Variants in RNF125 observed in about 807,000 individuals in gnomAD.
RNF125 encodes the protein ring finger protein 125, also known as E3 ubiquitin-protein ligase RNF125.
RNF125 carries 21 observed loss-of-function variants against 26.0 expected under a neutral mutation model. That is an observed-to-expected ratio of 0.81 (90% CI 0.57 to 1.16). The LOEUF (loss-of-function observed/expected upper bound fraction) is 1.16, where lower values mean the gene tolerates loss of function less well. RNF125 is among the 50% of genes most tolerant of loss of function. The probability of loss-of-function intolerance (pLI) is 0.00; values close to 1 mark genes in which losing one functional copy is unlikely to be tolerated. For missense variants in RNF125, 270 were observed against 299.4 expected (o/e 0.90, Z 0.72); for synonymous variants, 95 against 109.2 (o/e 0.87, Z 0.81).
At chr18:32,086,198 C>G in the RNF125 span, among the ~76,000 whole-genome samples, 1 of 150,782 alleles carries the variant, frequency 6.6e-6, no homozygotes, top group African/African-American at 2.4e-5. Flanking sequence ...AAAGAAACAT[C>G]TAGATGGGGG....
Position 32,071,620 on chromosome 18 carries a change from A to G in RNF125, c.*3236A>G, listed in dbSNP as rs930166147. 1 of 152,232 alleles carries G rather than the reference A, an allele frequency of 6.6e-6. No homozygotes were observed. Among genetic ancestry groups the G allele is most frequent in the Non-Finnish European group, 1.5e-5 (1 of 68,040 alleles). 9.4% of individuals were successfully genotyped at this position (152,232 alleles called of 1,614,324 possible). The stretch of plus-strand genomic sequence containing the variant: ...GTTAGCTTTTTAATTGTAATCATTT[A>G]TAAACTTCTTTGTTCCTTACATATA... On this transcript the variant is annotated 3_prime_UTR_variant, in exon 6 of 6. Transcript: ENST00000217740.
chr18:32,042,470 T>G (rs2039230995), intron 3 of RNF125, among the ~76,000 whole-genome samples, 197 bp downstream of exon 3: 2 of 152,208 alleles, frequency 1.3e-5, no homozygotes, highest in Admixed American at 6.5e-5. Context: ...CTTTAAAAAT[T>G]TCCAGGGGTA....
chr18:32,028,607 T>TGGG (rs2039063191), intron 1 of RNF125, among the ~76,000 whole-genome samples: 1 of 144,078 alleles, frequency 6.9e-6, no homozygotes, highest in Admixed American at 7.1e-5. Context: ...TTTTTTGAGA[T>TGGG]GGGGTCTCGC....
At chr18:32,078,069 C>T (rs568018955), downstream of RNF125, among the ~76,000 whole-genome samples, 1 of 152,230 alleles carries the variant, frequency 6.6e-6, no homozygotes, top group East Asian at 1.9e-4. Context: ...AGATTACAGG[C>T]GTGAGCTACC....
intron 2 of RNF125, 63 bp from the exon 3 acceptor site, chr18:32,042,116 C>A: frequency 8.7e-7 from 1 of 1,145,516 alleles, no homozygotes; most frequent in Admixed American, 1.9e-5. Flanking sequence ...AAGGCTGGAT[C>A]GCATAAGCTT....
intron 4 of RNF125, among the ~76,000 whole-genome samples, chr18:32,051,730 C>T (rs1404911663): frequency 3.9e-5 from 5 of 129,482 alleles, no homozygotes; most frequent in East Asian, 5.0e-4. Flanking sequence ...GAGTCTTGCT[C>T]TGTTGCCAGG....
In RNF125 at chr18:32,050,865, C is replaced by CTTTTTTTTTT. The variant is rs531751585; in HGVS notation, c.504+5158_504+5167dup. On this transcript the variant is annotated intron_variant, in intron 4 of 5. Transcript: ENST00000217740. The stretch of plus-strand genomic sequence containing the variant: ...CCAGCTAGTCTCTCGGTCTAGAGTG[C>CTTTTTTTTTT]TTTTTTTTTTTTTTTTTTTTTTTTT... Among the ~76,000 whole-genome samples, 61 of 46,342 alleles carry CTTTTTTTTTT rather than the reference C, an allele frequency of 1.3e-3. 14 individuals carry two copies. The highest frequency in any genetic ancestry group is 1.8e-3 in the Non-Finnish European group (46 of 25,614). 30.4% of individuals were successfully genotyped at this position (46,342 alleles called of 152,430 possible).
chr18:32,075,755 T>A, downstream of RNF125: 3 of 425,974 alleles, frequency 7.0e-6, no homozygotes, highest in Non-Finnish European at 4.3e-6. Flanking sequence ...TTTAAAAGCA[T>A]CAATCTGATT....
At chr18:32,079,105 A>G in the RNF125 span, among the ~76,000 whole-genome samples, 1 of 152,204 alleles carries the variant, frequency 6.6e-6, no homozygotes, top group Non-Finnish European at 1.5e-5. Context: ...GGGCTTTACT[A>G]GAAATTCAAT....
the RNF125 span, among the ~76,000 whole-genome samples, chr18:32,083,407 T>A: frequency 6.6e-6 from 1 of 152,166 alleles, no homozygotes. Flanking sequence ...TATTAAGGGG[T>A]AAGGCTGGAA....
chr18:32,051,909 C>T (rs142516845), intron 4 of RNF125, among the ~76,000 whole-genome samples: 13,771 of 151,320 alleles, frequency 0.091, 2,042 homozygotes, highest in African/African-American at 0.31. Flanking sequence ...AGGATGGTCT[C>T]GATCTCCTGA....
At chr18:32,020,004 G>C (rs12966789) in intron 1 of RNF125, among the ~76,000 whole-genome samples, 132 of 23,990 alleles carry the variant, frequency 5.5e-3, no homozygotes, top group African/African-American at 0.011. Context: ...TCTGTTTACT[G>C]TGTGTGTGTG....
chr18:32,027,147 CTT>C (rs2039044477), intron 1 of RNF125, among the ~76,000 whole-genome samples: 1 of 151,584 alleles, frequency 6.6e-6, no homozygotes, highest in African/African-American at 2.4e-5. Context: ...CTCCTGGGGT[CTT>C]GTTCCCTGAA....
chr18:32,038,805 G>A (rs1353845602), intron 2 of RNF125, among the ~76,000 whole-genome samples: 1 of 152,004 alleles, frequency 6.6e-6, no homozygotes, highest in Non-Finnish European at 1.5e-5. Context: ...GCACTCTGTT[G>A]CCCAGGCTGG....
intron 2 of RNF125, among the ~76,000 whole-genome samples, chr18:32,038,610 T>C (rs1359192080): frequency 2.6e-5 from 4 of 152,180 alleles, no homozygotes; most frequent in Non-Finnish European, 5.9e-5. Flanking sequence ...AAGCACACCT[T>C]GCCTGTTGCA....
rs535150337 is a variant in RNF125, at chr18:32,063,761, C to T, written c.505-2141C>T. ...AGTAATAAGGAGGGAGCTATGGATA[C>T]ACCCAGCAACTTAGATGGATCTCAA... On this transcript the variant is annotated intron_variant, in intron 4 of 5. Coordinates refer to ENST00000217740, the MANE Select transcript of RNF125 (RefSeq NM_017831.4). Among the ~76,000 whole-genome samples the T allele has an allele frequency of 6.6e-5, 10 of 152,246 alleles. No individual in the cohort carries two copies. The East Asian group carries it at 1.9e-3, about 29-fold the overall frequency.
chr18:32,075,010 T>G (rs1008080110), downstream of RNF125, among the ~76,000 whole-genome samples: 4 of 152,218 alleles, frequency 2.6e-5, no homozygotes, highest in African/African-American at 9.6e-5. Flanking sequence ...TACAACAGTA[T>G]TTTCTCAGTG....
intron 4 of RNF125, among the ~76,000 whole-genome samples, chr18:32,055,848 G>T (rs1294038162): frequency 1.3e-5 from 2 of 151,056 alleles, no homozygotes; most frequent in South Asian, 4.2e-4. Context: ...GTGTGGTGGC[G>T]CATGCCTGTA....
intron 4 of RNF125, among the ~76,000 whole-genome samples, chr18:32,047,127 C>T (rs1033329807): frequency 2.0e-5 from 3 of 152,170 alleles, no homozygotes; most frequent in African/African-American, 7.2e-5. Context: ...ACCTCCGCCT[C>T]CCAGGTTCAA....
Sources: allele counts gnomAD v4.1 joint callset (sites outside exome capture counted in the v4.1 genomes callset), GRCh38; gene constraint gnomAD v4.1.1; transcripts MANE v1.5; gene names NCBI Gene and HGNC (gene_info 2026-07-23, HGNC 2026-07-21).